The following SERPINA10 variants were observed in gnomAD, a reference collection of about 807,000 sequenced individuals.
SERPINA10 encodes the protein serpin family A member 10.
A neutral mutation model predicts 28.0 loss-of-function variants in SERPINA10; 24 were observed. The observed-to-expected ratio is 0.86, with a 90% CI of 0.62 to 1.20. The LOEUF (loss-of-function observed/expected upper bound fraction) is 1.20. Among genes scored for constraint, SERPINA10 ranks in the 50% most tolerant of loss-of-function variants. The pLI is 0.00. For synonymous variants in SERPINA10, 207 were observed against 203.9 expected (o/e 1.02, Z -0.13); for missense variants, 521 against 537.7 (o/e 0.97, Z 0.31).
chr14:94,283,915 C>T lies in SERPINA10; in HGVS notation c.*50G>A. 1.9e-6 allele frequency: 3 copies of T among 1,566,224 alleles called. No individual in the cohort carries two copies. Among genetic ancestry groups the T allele is most frequent in the East Asian group, 2.2e-5 (1 of 44,564 alleles). ...GCTGGTATCCTGTGTGTGTTTGATA[C>T]CTCAGATTCAGCATCTACTACAGCA... is the stretch of plus-strand genomic sequence containing the variant. On this transcript the variant is annotated 3_prime_UTR_variant, in exon 5 of 5. Coordinates refer to ENST00000261994, the MANE Select transcript of SERPINA10 (RefSeq NM_001100607.3).
chr14:94,283,155 C>T lies in SERPINA10; in HGVS notation c.*810G>A, dbSNP rs1894937977. 6.6e-6 allele frequency: 1 copy of T among 152,182 alleles called. No individual in the cohort carries two copies. The highest frequency in any genetic ancestry group is 1.5e-5 in the Non-Finnish European group (1 of 68,024). 9.4% of individuals were successfully genotyped at this position (152,182 alleles called of 1,614,324 possible). ...GGAGAATGTTTACATGTGTTCCTCC[C>T]AAAGGCTTTATCTTGACATAGTGTT... On this transcript the variant is annotated 3_prime_UTR_variant, in exon 5 of 5. Coordinates refer to ENST00000261994, the MANE Select transcript of SERPINA10 (RefSeq NM_001100607.3).
At chr14:94,284,338 G>A (rs1894971619) in intron 4 of SERPINA10, among the ~76,000 whole-genome samples, 182 bp from the exon 5 acceptor site, 1 of 152,160 alleles carries the variant, frequency 6.6e-6, no homozygotes, top group Non-Finnish European at 1.5e-5. Flanking sequence ...TGCCACAGGA[G>A]TCTTAAACAA....
At chr14:94,289,105 G>A (rs945350723) in intron 2 of SERPINA10, among the ~76,000 whole-genome samples, 13 of 152,218 alleles carry the variant, frequency 8.5e-5, no homozygotes, top group African/African-American at 2.9e-4. Context: ...CTACATAAAC[G>A]TCTGCCCTGG....
rs1350434925 is a variant in SERPINA10 at position 94,282,648 on chromosome 14, C to A, written c.*1317G>T. 1 of 152,180 alleles carries A rather than the reference C, an allele frequency of 6.6e-6. No individual in the cohort carries two copies. The highest frequency in any genetic ancestry group is 1.5e-5 in the Non-Finnish European group (1 of 68,052). The allele number at this position is 152,180 out of a possible 1,614,324, so 9.4% of individuals were successfully genotyped here. ...GTTCCCACTGGTATATAAGGTATGA[C>A]TTATCCACTAGATGCAGAAGACACA... On this transcript the variant is annotated 3_prime_UTR_variant, in exon 5 of 5. Coordinates refer to ENST00000261994, the MANE Select transcript of SERPINA10 (RefSeq NM_001100607.3).
intron 3 of SERPINA10, among the ~76,000 whole-genome samples, chr14:94,287,939 C>A (rs556952190): frequency 1.5e-4 from 23 of 152,324 alleles, no homozygotes; most frequent in African/African-American, 5.1e-4. Flanking sequence ...CCCTTCCCTG[C>A]ATTATTACCT....
chr14:94,288,171 A>G, intron 3 of SERPINA10, 115 bp downstream of exon 3: 2 of 1,424,586 alleles, frequency 1.4e-6, no homozygotes, highest in Non-Finnish European at 2.0e-6. Context: ...TGCCTTCAGG[A>G]AACTTATAGC....
Position 94,288,309 on chromosome 14 carries a change from T to A in SERPINA10, c.969A>T (p.Thr323=), listed in dbSNP as rs1895073331. The part of the protein sequence containing the change: ...EDYLTTDLVE[T]WLRNMKTRNM... The stretch of plus-strand genomic sequence containing the variant: ...ACCTGGTTTTCATGTTTCTGAGCCA[T>A]GTCTCCACCAAGTCTGTGGTCAGGT... Residue 323 remains threonine (T), a synonymous_variant, in exon 3 of 5, where the codon ACA becomes ACT. Transcript: ENST00000261994. 1 of 1,614,034 alleles carries A rather than the reference T, an allele frequency of 6.2e-7. No homozygotes were observed.
intron 2 of SERPINA10, among the ~76,000 whole-genome samples, chr14:94,289,560 G>A (rs1258910298): frequency 1.3e-5 from 2 of 152,182 alleles, no homozygotes; most frequent in African/African-American, 4.8e-5. Flanking sequence ...AAGGAGCAAT[G>A]ATGCAATCCT....
chr14:94,292,226 C>T (rs1895195737), intron 1 of SERPINA10, among the ~76,000 whole-genome samples: 1 of 152,028 alleles, frequency 6.6e-6, no homozygotes, highest in Non-Finnish European at 1.5e-5. Context: ...AGGGCAAGGC[C>T]CCTGTGATAG....
rs1399878232 is a variant in SERPINA10, at chr14:94,288,274, C to A, written c.992+12G>T. The A allele has an allele frequency of 6.2e-7, 1 of 1,613,100 alleles. No homozygotes were observed. Among genetic ancestry groups the A allele is most frequent in the Non-Finnish European group, 8.5e-7 (1 of 1,180,018 alleles). On this transcript the variant is annotated intron_variant, in intron 3 of 4. Transcript: ENST00000261994. ...AGGTAGAGTTTGTATAGGGTGTGGG[C>A]AAGAGTTGTACCTGGTTTTCATGTT...
chr14:94,292,881 C>T (rs1895213961), intron 1 of SERPINA10: 5 of 544,270 alleles, frequency 9.2e-6, no homozygotes, highest in Non-Finnish European at 1.3e-5. Context: ...CCTGCCTCCC[C>T]TCAGCCCTGG....
In SERPINA10 at chr14:94,288,333, G is replaced by A. The variant is rs1895074085; in HGVS notation, c.945C>T (p.Tyr315=). ...ATGTCTCCACCAAGTCTGTGGTCAG[G>A]TAGTCTTCAAGGGCGAGGTGGTCAC... The part of the protein sequence containing the change: ...KMGDHLALED[Y]LTTDLVETWL... The change falls in exon 3 of 5, where the codon TAC becomes TAT. Residue 315 remains tyrosine, a synonymous_variant. Transcript: ENST00000261994. The A allele has an allele frequency of 1.2e-6, 2 of 1,614,162 alleles. No individual in the cohort carries two copies. The highest frequency in any genetic ancestry group is 2.2e-5 in the East Asian group (1 of 44,878).
At position 94,283,911 on chromosome 14, in the gene SERPINA10, G is replaced by C. The variant is rs1443346143; in HGVS notation, c.*54C>G. Reference sequence around the variant, plus strand: ...CATTGCTGGTATCCTGTGTGTGTTTGATACCTCAGATTCAGCATCTACTAC... The same window carrying C: ...CATTGCTGGTATCCTGTGTGTGTTTCATACCTCAGATTCAGCATCTACTAC... On this transcript the variant is annotated 3_prime_UTR_variant, in exon 5 of 5. Coordinates refer to ENST00000261994, the MANE Select transcript of SERPINA10 (RefSeq NM_001100607.3). The C allele has an allele frequency of 3.2e-6, 5 of 1,551,888 alleles. No homozygotes were observed. Among genetic ancestry groups the C allele is most frequent in the Non-Finnish European group, 4.4e-6 (5 of 1,123,736 alleles).
At position 94,282,074 on chromosome 14, in the gene SERPINA10, A is replaced by G. The variant is rs548536924; in HGVS notation, c.*1891T>C. 1.2e-4 allele frequency: 18 copies of G among 152,630 alleles called. No individual in the cohort carries two copies. The highest frequency in any genetic ancestry group is 4.3e-4 in the African/African-American group (18 of 41,542). 9.5% of individuals were successfully genotyped at this position (152,630 alleles called of 1,614,324 possible). A position where few individuals can be genotyped will look rare whatever the true frequency, so the allele number is the denominator to read the frequency against. On this transcript the variant is annotated 3_prime_UTR_variant, in exon 5 of 5. Coordinates refer to ENST00000261994, the MANE Select transcript of SERPINA10 (RefSeq NM_001100607.3). ...ATTGCCTGTCCCTTCATAAGTGTCA[A>G]TTAGTACTCTTGGAATGAATACAGG... is the stretch of plus-strand genomic sequence containing the variant.
At position 94,287,065 on chromosome 14, in the gene SERPINA10, T is replaced by C. The variant is rs149691680; in HGVS notation, c.993-807A>G. 2.1e-3 allele frequency among the ~76,000 whole-genome samples: 319 copies of C among 152,330 alleles called. 1 individual carries two copies. The highest frequency in any genetic ancestry group is 7.4e-3 in the African/African-American group (309 of 41,580). Reference sequence around the variant, plus strand: ...TACTCCAATAGGTGGATTAATTTATTGGGCAGACATTTCAGTGCCCACTCT... The same window carrying C: ...TACTCCAATAGGTGGATTAATTTATCGGGCAGACATTTCAGTGCCCACTCT... On this transcript the variant is annotated intron_variant, in intron 3 of 4. Transcript: ENST00000261994.
chr14:94,289,187 A>C (rs1895099183), intron 2 of SERPINA10, among the ~76,000 whole-genome samples: 2 of 152,228 alleles, frequency 1.3e-5, no homozygotes, highest in African/African-American at 4.8e-5. Context: ...AGCTCTGCGA[A>C]AGTGGCATCC....
At chr14:94,285,253 T>A (rs369929095) in intron 4 of SERPINA10, among the ~76,000 whole-genome samples, 4 of 152,114 alleles carry the variant, frequency 2.6e-5, no homozygotes, top group Non-Finnish European at 4.4e-5. Context: ...GGGCCAGCAA[T>A]GCTAACCAGT....
intron 2 of SERPINA10, 59 bp from the exon 3 acceptor site, chr14:94,288,618 T>A (rs1462635015): frequency 6.2e-7 from 1 of 1,605,296 alleles, no homozygotes; most frequent in Non-Finnish European, 8.5e-7. Flanking sequence ...GCATTGTTCT[T>A]GCTCAAATAA....
intron 1 of SERPINA10, among the ~76,000 whole-genome samples, chr14:94,291,047 G>T (rs117841209): frequency 6.6e-6 from 1 of 152,186 alleles, no homozygotes; most frequent in Non-Finnish European, 1.5e-5. Context: ...CCATCTGGTC[G>T]TCAGGCTGCC....
Sources: allele counts gnomAD v4.1 joint callset (sites outside exome capture counted in the v4.1 genomes callset), GRCh38; gene constraint gnomAD v4.1.1; transcripts MANE v1.5; gene names NCBI Gene and HGNC (gene_info 2026-07-23, HGNC 2026-07-21).